ABLIM1: variants seen among roughly 807,000 people sequenced by gnomAD.
The protein encoded by ABLIM1 is actin binding LIM protein 1.
ABLIM1 carries 40 observed loss-of-function variants against 107.0 expected under a neutral mutation model. The observed-to-expected ratio is 0.37, with a 90% CI of 0.29 to 0.49. The LOEUF (loss-of-function observed/expected upper bound fraction) is 0.49, where lower values mean the gene tolerates loss of function less well. Ranked by LOEUF, ABLIM1 falls within the 20% of genes least tolerant of loss-of-function variation. The pLI, the probability that ABLIM1 is intolerant of heterozygous loss-of-function variation, is 0.97. For missense variants in ABLIM1, 857 were observed against 1,008.5 expected (o/e 0.85, Z 2.04); for synonymous variants, 357 against 357.3 (o/e 1.00, Z 0.01).
chr10:114,550,123 C>T (rs954346211), intron 4 of ABLIM1, among the ~76,000 whole-genome samples: 1 of 151,564 alleles, frequency 6.6e-6, no homozygotes, highest in African/African-American at 2.4e-5. Flanking sequence ...AATGTATGGC[C>T]CATTATCTAG....
intron 1 of ABLIM1, among the ~76,000 whole-genome samples, chr10:114,656,544 G>A (rs2079531054): frequency 6.6e-6 from 1 of 152,026 alleles, no homozygotes; most frequent in Non-Finnish European, 1.5e-5. Flanking sequence ...CGTGTGTGAG[G>A]TGAGCCACCC....
At position 114,444,056 on chromosome 10, in the gene ABLIM1, T is replaced by C. The variant is rs756657540; in HGVS notation, c.1906A>G (p.Ser636Gly). The C allele has an allele frequency of 5.6e-6, 9 of 1,611,850 alleles. No homozygotes were observed. The highest frequency in any genetic ancestry group is 6.8e-6 in the Non-Finnish European group (8 of 1,179,358). The change falls in exon 17 of 23, where the codon AGT (serine) becomes GGT (glycine). Residue 636 changes from serine to glycine, a missense_variant. By Grantham distance (56) the Ser-to-Gly change is moderately conservative (BLOSUM62 0). Transcript: ENST00000533213. ...GAGTTGATGGGAGAATCGTAGCGAC[T>C]GGCTAACAGAGATGACCTTTCCCGG... ...ESRERSSLLA[S>G]RYDSPINSAS... is the part of the protein sequence containing the mutation.
chr10:114,795,457 C>T, the ABLIM1 span, among the ~76,000 whole-genome samples: 3 of 152,240 alleles, frequency 2.0e-5, no homozygotes, highest in South Asian at 4.1e-4. Flanking sequence ...CTGTAATCTC[C>T]GCACTTTGGG....
intron 1 of ABLIM1, among the ~76,000 whole-genome samples, chr10:114,638,622 TACACACACACAC>T (rs59605861): frequency 0.37 from 52,510 of 143,744 alleles, 9,850 homozygotes; most frequent in Non-Finnish European, 0.43. Context: ...ATGCCCTGCC[TACACACACACAC>T]ACACACACAC....
chr10:114,532,169 G>A (rs2065518056), intron 6 of ABLIM1, among the ~76,000 whole-genome samples: 1 of 152,078 alleles, frequency 6.6e-6, no homozygotes, highest in Admixed American at 6.6e-5. Context: ...TACCTATCCA[G>A]GCCACATCAA....
exon 1 of ABLIM1, chr10:114,684,506 G>C: frequency 7.0e-7 from 1 of 1,424,298 alleles, no homozygotes; most frequent in Non-Finnish European, 9.2e-7. Context: ...CCACCGGTGG[G>C]TGTGCCACAG....
chr10:114,638,614 G>T (rs1388854116), intron 1 of ABLIM1, among the ~76,000 whole-genome samples: 1 of 146,434 alleles, frequency 6.8e-6, no homozygotes, highest in African/African-American at 2.5e-5. Context: ...CTCGTCCCAT[G>T]CCCTGCCTAC....
In ABLIM1 at chr10:114,575,501, C is replaced by T. The variant is rs144719371; in HGVS notation, c.478G>A (p.Gly160Ser). ...TCGCCCTCCACGAACTCCCCACAGC[C>T]ATGGCAGCGTGTCCCGTACATCCGC... Reference protein sequence around the residue: ...YQRMYGTRCHGCGEFVEGEVV... With the variant: ...YQRMYGTRCHSCGEFVEGEVV... The change falls in exon 3 of 23, where the codon GGC (glycine) becomes AGC (serine). Residue 160 changes from glycine to serine, a missense_variant. Gly to Ser is a moderately conservative substitution (Grantham distance 56). Around this residue, in one of 5 missense-constraint regions of ABLIM1, gnomAD observed 381 missense variants for 506.9 expected, o/e 0.75. Coordinates refer to ENST00000533213, the MANE Select transcript of ABLIM1 (RefSeq NM_002313.7). 3.6e-5 allele frequency: 58 copies of T among 1,614,224 alleles called. No homozygotes were observed. The African/African-American group carries it at 6.9e-4, about 19-fold the overall frequency.
chr10:114,443,303 T>C (rs952399392), intron 17 of ABLIM1, among the ~76,000 whole-genome samples: 2 of 149,042 alleles, frequency 1.3e-5, no homozygotes, highest in African/African-American at 5.1e-5. Context: ...AGTTCTTGTA[T>C]TGAAGATTTT....
intron 1 of ABLIM1, among the ~76,000 whole-genome samples, chr10:114,691,130 T>C (rs1285753289): frequency 6.6e-6 from 1 of 152,180 alleles, no homozygotes; most frequent in East Asian, 1.9e-4. Context: ...AAGACAGTAA[T>C]TTTTTTCAGA....
the ABLIM1 span, among the ~76,000 whole-genome samples, chr10:114,788,326 TAAAAAAATAAAAAAA>T: frequency 0.022 from 2,858 of 131,320 alleles, 107 homozygotes; most frequent in African/African-American, 0.077. Context: ...GAATGATCAA[TAAAAAAATAAAAAAA>T]AAAAAAATAA....
rs952911244 is a variant in ABLIM1, at chr10:114,571,074, T to G, written c.673+223A>C. Among the ~76,000 whole-genome samples, 3 of 152,226 alleles carry G rather than the reference T, an allele frequency of 2.0e-5. No individual in the cohort carries two copies. The South Asian group carries it at 6.2e-4, about 32-fold the overall frequency. The stretch of plus-strand genomic sequence containing the variant: ...CTATCTTAACAGGTATAAGTTGGTA[T>G]CTTATGGTTGTTTTGATTTGCATTT... On this transcript the variant is annotated intron_variant, in intron 4 of 22. Transcript: ENST00000533213.
intron 1 of ABLIM1, among the ~76,000 whole-genome samples, chr10:114,610,174 C>T (rs1402455204): frequency 4.6e-5 from 7 of 152,186 alleles, no homozygotes; most frequent in Non-Finnish European, 1.0e-4. Flanking sequence ...GAAGTACAAA[C>T]AGAAATTCTT....
At chr10:114,592,608 A>G (rs2075008551) in intron 2 of ABLIM1, among the ~76,000 whole-genome samples, 1 of 152,124 alleles carries the variant, frequency 6.6e-6, no homozygotes, top group Admixed American at 6.6e-5. Flanking sequence ...GTAAAGGCAG[A>G]TGCAGAGAGA....
intron 8 of ABLIM1, chr10:114,485,161 G>A (rs944665261): frequency 1.8e-5 from 10 of 554,118 alleles, no homozygotes; most frequent in South Asian, 6.3e-5. Flanking sequence ...TGTGAGAGGC[G>A]CTTGTGGTGT....
chr10:114,551,796 C>T (rs1423918974), intron 4 of ABLIM1, among the ~76,000 whole-genome samples: 1 of 152,068 alleles, frequency 6.6e-6, no homozygotes, highest in African/African-American at 2.4e-5. Flanking sequence ...AAACATGGTA[C>T]CATTTAGTTT....
At chr10:114,735,662 G>A (rs2142214250) in intron 1 of ABLIM1, among the ~76,000 whole-genome samples, 1 of 152,282 alleles carries the variant, frequency 6.6e-6, no homozygotes, top group African/African-American at 2.4e-5. Flanking sequence ...TACAGACAGG[G>A]TTTCACCATG....
chr10:114,764,861 C>T (rs2082848216), intron 1 of ABLIM1: 2 of 152,252 alleles, frequency 1.3e-5, no homozygotes, highest in African/African-American at 4.8e-5. Flanking sequence ...GGGCAGCACT[C>T]CAGTGCAGCT....
intron 1 of ABLIM1, among the ~76,000 whole-genome samples, chr10:114,758,318 G>A (rs1264074496): frequency 6.6e-6 from 1 of 152,052 alleles, no homozygotes; most frequent in East Asian, 1.9e-4. Context: ...TTTATATAAA[G>A]CATCTAACCA....
Sources: allele counts gnomAD v4.1 joint callset (sites outside exome capture counted in the v4.1 genomes callset), GRCh38; gene constraint gnomAD v4.1.1; regional missense constraint gnomAD v4.1.1; transcripts MANE v1.5; gene names NCBI Gene and HGNC (gene_info 2026-07-23, HGNC 2026-07-21).